Variants in LOXL2 observed in about 807,000 individuals in gnomAD.
The protein encoded by LOXL2 is lysyl oxidase like 2.
A neutral mutation model predicts 93.0 loss-of-function variants in LOXL2; 70 were observed. The observed-to-expected ratio is 0.75, with a 90% CI of 0.62 to 0.92. The LOEUF is 0.92. Among genes scored for constraint, LOXL2 ranks in the 40% least tolerant of loss-of-function variants. The pLI, the probability that LOXL2 is intolerant of heterozygous loss-of-function variation, is 0.00. For synonymous variants in LOXL2, 438 were observed against 413.2 expected (o/e 1.06, Z -0.73); for missense variants, 973 against 1,054.9 (o/e 0.92, Z 1.08).
chr8:23,369,793 G>C (rs1260033629), intron 1 of LOXL2, among the ~76,000 whole-genome samples: 1 of 152,124 alleles, frequency 6.6e-6, no homozygotes, highest in Non-Finnish European at 1.5e-5. Context: ...GATAGCTCCT[G>C]ACCAACGGAC....
At chr8:23,396,353 A>G (rs964104851) in intron 1 of LOXL2, among the ~76,000 whole-genome samples, 7 of 151,924 alleles carry the variant, frequency 4.6e-5, no homozygotes, top group Non-Finnish European at 1.0e-4. Flanking sequence ...CAAACAAACA[A>G]AAAAACGAGA....
chr8:23,298,631 C>A (rs1038939050), intron 13 of LOXL2, among the ~76,000 whole-genome samples: 1 of 152,186 alleles, frequency 6.6e-6, no homozygotes, highest in Non-Finnish European at 1.5e-5. Context: ...GGTCCTGTAC[C>A]ATCCTCTATC....
intron 6 of LOXL2, among the ~76,000 whole-genome samples, chr8:23,327,388 G>GAC (rs1402559758): frequency 6.6e-6 from 1 of 152,168 alleles, no homozygotes; most frequent in African/African-American, 2.4e-5. Flanking sequence ...TGTGATCAGT[G>GAC]ACCTCACCAC....
At chr8:23,323,907 G>A (rs535883513) in intron 6 of LOXL2, among the ~76,000 whole-genome samples, 6 of 152,138 alleles carry the variant, frequency 3.9e-5, no homozygotes, top group African/African-American at 1.4e-4. Context: ...TCACCATGTT[G>A]GCCAGGATGG....
At chr8:23,386,508 C>T (rs1364857739) in intron 1 of LOXL2, among the ~76,000 whole-genome samples, 1 of 152,196 alleles carries the variant, frequency 6.6e-6, no homozygotes, top group Non-Finnish European at 1.5e-5. Context: ...GACATCTAGA[C>T]TAATATGGCA....
chr8:23,346,167 A>AAAT (rs2117188062), intron 3 of LOXL2, among the ~76,000 whole-genome samples: 2 of 141,692 alleles, frequency 1.4e-5, no homozygotes, highest in Admixed American at 1.4e-4. Flanking sequence ...AAAAAATAAA[A>AAAT]TAAAATAAAT....
At chr8:23,381,851 T>G (rs1475439625) in intron 1 of LOXL2, among the ~76,000 whole-genome samples, 5 of 152,208 alleles carry the variant, frequency 3.3e-5, no homozygotes, top group Non-Finnish European at 4.4e-5. Flanking sequence ...TGCTCACACG[T>G]AACTGGGTGT....
In LOXL2 at chr8:23,298,134, G is replaced by A. The variant is rs1227402153; in HGVS notation, c.2246-12C>T. On this transcript the variant is annotated splice_polypyrimidine_tract_variant and intron_variant, in intron 13 of 13. Coordinates refer to ENST00000389131, the MANE Select transcript of LOXL2 (RefSeq NM_002318.3). Reference sequence around the variant, plus strand: ...GCTGAAGGAACCACCTGAAGAGCGAGAATCGGGTAGAGAGAGTGGACAAAT... The same window carrying A: ...GCTGAAGGAACCACCTGAAGAGCGAAAATCGGGTAGAGAGAGTGGACAAAT... The A allele has an allele frequency of 1.2e-6, 2 of 1,608,052 alleles. No individual in the cohort carries two copies. Among genetic ancestry groups the A allele is most frequent in the Non-Finnish European group, 1.7e-6 (2 of 1,175,404 alleles).
intron 1 of LOXL2, among the ~76,000 whole-genome samples, chr8:23,384,788 C>T (rs1180172703): frequency 6.6e-6 from 1 of 152,132 alleles, no homozygotes; most frequent in Non-Finnish European, 1.5e-5. Context: ...GTGGCAGGTG[C>T]CTGTAATCCC....
Position 23,302,172 on chromosome 8 carries a change from A to AG in LOXL2, c.1997-10dup, listed in dbSNP as rs1280431012. On this transcript the variant is annotated splice_polypyrimidine_tract_variant and intron_variant, in intron 11 of 13. Transcript: ENST00000389131. ...GTAATTCTTCTGGATGTCTGCGGGC[A>AG]GGGTAGAGGAGAGCTCATCACCAGG... 2 of 1,613,708 alleles carry AG rather than the reference A, an allele frequency of 1.2e-6. No individual in the cohort carries two copies. Among genetic ancestry groups the AG allele is most frequent in the Non-Finnish European group, 1.7e-6 (2 of 1,179,740 alleles).
intron 12 of LOXL2, among the ~76,000 whole-genome samples, chr8:23,300,801 T>G (rs75822383): frequency 6.6e-6 from 1 of 152,212 alleles, no homozygotes; most frequent in East Asian, 1.9e-4. Context: ...ATTAAGTGGA[T>G]GGCACTGGCC....
chr8:23,325,593 T>G (rs1803565308), intron 6 of LOXL2, among the ~76,000 whole-genome samples: 1 of 152,200 alleles, frequency 6.6e-6, no homozygotes, highest in African/African-American at 2.4e-5. Flanking sequence ...TCTGTTTCTA[T>G]CAGACAGCAC....
chr8:23,298,064 G>GT lies in LOXL2; in HGVS notation c.2303dup (p.Asn768LysfsTer73). On this transcript the variant is annotated frameshift_variant, in exon 14 of 14. Coordinates refer to ENST00000389131, the MANE Select transcript of LOXL2 (RefSeq NM_002318.3). LOFTEE classifies it high-confidence loss of function. Reference sequence around the variant, plus strand: ...TTCTTTACTGCGGGGACAGCTGGTTGTTTAAGAGCCCGCTGAAGTGCTCAA... The same window carrying GT: ...TTCTTTACTGCGGGGACAGCTGGTTGTTTTAAGAGCCCGCTGAAGTGCTCAA... 6.2e-7 allele frequency: 1 copy of GT among 1,613,858 alleles called. No individual in the cohort carries two copies. The highest frequency in any genetic ancestry group is 8.5e-7 in the Non-Finnish European group (1 of 1,179,996).
chr8:23,320,223 G>T (rs1803472607), intron 7 of LOXL2, among the ~76,000 whole-genome samples, 171 bp from the exon 8 acceptor site: 1 of 152,170 alleles, frequency 6.6e-6, no homozygotes, highest in Non-Finnish European at 1.5e-5. Flanking sequence ...TGCCTAGCAT[G>T]GTCTTATAGT....
chr8:23,302,258 C>G, intron 11 of LOXL2, 95 bp from the exon 12 acceptor site: 2 of 1,502,956 alleles, frequency 1.3e-6, no homozygotes, highest in Non-Finnish European at 1.8e-6. Context: ...GCTGCTTCAT[C>G]TGGGCTCGGC....
At chr8:23,395,639 G>T (rs1800080420) in intron 1 of LOXL2, among the ~76,000 whole-genome samples, 1 of 152,158 alleles carries the variant, frequency 6.6e-6, no homozygotes, top group Non-Finnish European at 1.5e-5. Flanking sequence ...GTGTCATGCA[G>T]GCAGCCTGGG....
At chr8:23,353,522 C>T (rs1250553707) in intron 3 of LOXL2, among the ~76,000 whole-genome samples, 1 of 152,164 alleles carries the variant, frequency 6.6e-6, no homozygotes, top group African/African-American at 2.4e-5. Context: ...TCCACTGGGA[C>T]TGGAACCCGG....
intron 1 of LOXL2, among the ~76,000 whole-genome samples, chr8:23,398,347 C>T (rs1008843753): frequency 1.3e-5 from 2 of 152,140 alleles, no homozygotes; most frequent in African/African-American, 4.8e-5. Flanking sequence ...ATCCAGAGGG[C>T]CAGCTGTGTC....
chr8:23,371,890 A>G (rs568253409), intron 1 of LOXL2, among the ~76,000 whole-genome samples: 2 of 151,918 alleles, frequency 1.3e-5, no homozygotes, highest in African/African-American at 4.8e-5. Flanking sequence ...ATTGTCTATT[A>G]GACTTTAGCA....
Sources: allele counts gnomAD v4.1 joint callset (sites outside exome capture counted in the v4.1 genomes callset), GRCh38; gene constraint gnomAD v4.1.1; transcripts MANE v1.5; gene names NCBI Gene and HGNC (gene_info 2026-07-23, HGNC 2026-07-21).